The following XIRP1 variants were observed in gnomAD, a reference collection of about 807,000 sequenced individuals.
The protein encoded by XIRP1 is xin actin binding repeat containing 1, also known as xin actin-binding repeat-containing protein 1.
For synonymous variants in XIRP1, 984 were observed against 947.0 expected, an observed-to-expected ratio of 1.04 and a Z score of -0.72; for missense variants, 2,378 against 2,345.4, an observed-to-expected ratio of 1.01 and a Z score of -0.29.
rs145160075 is a variant in XIRP1 at position 39,185,763 on chromosome 3, G to T, written c.3683C>A (p.Thr1228Asn). The change falls in exon 2 of 2, where the codon ACT becomes AAT. Residue 1228 changes from threonine (T) to asparagine (N), a missense_variant. By Grantham distance (65) the Thr-to-Asn change is moderately conservative (BLOSUM62 0). Coordinates refer to ENST00000340369, the MANE Select transcript of XIRP1 (RefSeq NM_194293.4). ...CAGAATGTGGCGGCCTAGAGGGGCA[G>T]TCTTCAGGGTGGTCTCTGCAGCTTG... ...GLQAAETTLK[T>N]APLGRHILAS... 6.2e-7 allele frequency: 1 copy of T among 1,608,204 alleles called. No individual in the cohort carries two copies. Among genetic ancestry groups the T allele is most frequent in the South Asian group, 1.1e-5 (1 of 90,266 alleles).
In XIRP1 at chr3:39,187,438, C is replaced by T; in HGVS notation, c.2008G>A (p.Ala670Thr). Residue 670 changes from alanine to threonine, a missense_variant, in exon 2 of 2, where the codon GCC becomes ACC. By Grantham distance (58) the Ala-to-Thr change is moderately conservative. Transcript: ENST00000340369. ...CGTCTTCCACAGGGACGGCCTGAGG[C>T]CTGAAGAGGCTCGGTCTCAAAGACG... is the stretch of plus-strand genomic sequence containing the variant. Reference protein sequence around the residue: ...RHVFETEPLQASGRPCGRRPV... With the variant: ...RHVFETEPLQTSGRPCGRRPV... 2 of 1,614,182 alleles carry T rather than the reference C, an allele frequency of 1.2e-6. No individual in the cohort carries two copies. Among genetic ancestry groups the T allele is most frequent in the Non-Finnish European group, 1.7e-6 (2 of 1,180,040 alleles).
chr3:39,184,558 G>A lies in XIRP1; in HGVS notation c.4888C>T (p.His1630Tyr), dbSNP rs748383897. 27 of 1,613,786 alleles carry A rather than the reference G, an allele frequency of 1.7e-5. No homozygotes were observed. The Admixed American group carries it at 4.3e-4, about 26-fold the overall frequency. ...EAQSQVKIRN[H>Y]TEARGHTAST... Reference sequence around the variant, plus strand: ...GCTGTGTGACCTCTGGCCTCTGTGTGATTTCTGATCTTGACTTGACTCTGG... The same window carrying A: ...GCTGTGTGACCTCTGGCCTCTGTGTAATTTCTGATCTTGACTTGACTCTGG... Residue 1630 changes from histidine (H) to tyrosine (Y), a missense_variant, in exon 2 of 2, where the codon CAC (histidine) becomes TAC (tyrosine). Coordinates refer to ENST00000340369, the MANE Select transcript of XIRP1 (RefSeq NM_194293.4).
chr3:39,186,434 C>T lies in XIRP1; in HGVS notation c.3012G>A (p.Leu1004=), dbSNP rs1280863642. 6.2e-7 allele frequency: 1 copy of T among 1,614,186 alleles called. No homozygotes were observed. Among genetic ancestry groups the T allele is most frequent in the East Asian group, 2.2e-5 (1 of 44,880 alleles). The change falls in exon 2 of 2, where the codon CTG becomes CTA. Residue 1004 remains leucine, a synonymous_variant. Transcript: ENST00000340369. ...GGGCTGGTGCTGCAGCTTCCCCAGCCAGAGGGACTGCCTTTCCAATGGCCT... is the reference window on the plus strand; with the variant it reads ...GGGCTGGTGCTGCAGCTTCCCCAGCTAGAGGGACTGCCTTTCCAATGGCCT... ...PPQAIGKAVP[L]AGEAAAPAQL...
At position 39,183,929 on chromosome 3, in the gene XIRP1, C is replaced by T; in HGVS notation, c.5517G>A (p.Gln1839=). The part of the protein sequence containing the change: ...ETVQVSCSYS[Q]PAAQ ...GCGGTGGGCCTCACTGGGCAGCTGG[C>T]TGGGAGTAGCTGCAGGACACCTGCA... Residue 1839 remains glutamine, a synonymous_variant, in exon 2 of 2, where the codon CAG becomes CAA. Transcript: ENST00000340369. 1.9e-6 allele frequency: 3 copies of T among 1,610,474 alleles called. No individual in the cohort carries two copies. The highest frequency in any genetic ancestry group is 2.5e-6 in the Non-Finnish European group (3 of 1,179,614).
At position 39,189,409 on chromosome 3, in the gene XIRP1, T is replaced by G; in HGVS notation, c.37A>C (p.Thr13Pro). 1 of 1,607,580 alleles carries G rather than the reference T, an allele frequency of 6.2e-7. No individual in the cohort carries two copies. ...TCCTCTGCAGTTGCCATCCTCATGGTTGGTGTGGGGGCCACCTGTGTCTGG... is the reference window on the plus strand; with the variant it reads ...TCCTCTGCAGTTGCCATCCTCATGGGTGGTGTGGGGGCCACCTGTGTCTGG... Reference protein sequence around the residue: ...DTQTQVAPTPTMRMATAEDLP... With the variant: ...DTQTQVAPTPPMRMATAEDLP... Residue 13 changes from threonine to proline, a missense_variant, in exon 2 of 2, where the codon ACC (threonine) becomes CCC (proline). By Grantham distance (38) the Thr-to-Pro change is conservative (BLOSUM62 -1). Coordinates refer to ENST00000340369, the MANE Select transcript of XIRP1 (RefSeq NM_194293.4).
chr3:39,190,044 A>G (rs553136209), intron 1 of XIRP1, among the ~76,000 whole-genome samples: 11 of 152,216 alleles, frequency 7.2e-5, no homozygotes, highest in African/African-American at 2.6e-4. Flanking sequence ...CTGTCAACGC[A>G]CTCCAACCTT....
Position 39,185,091 on chromosome 3 carries a change from C to T in XIRP1, c.4355G>A (p.Gly1452Asp). ...GCTCTCAGGGGCCCCTTGGTGGGAA[C>T]CTTCCATGGGCTGCTCTCCTGAGGG... ...PGPSGEQPME[G>D]SHQGAPESPD... Residue 1452 changes from glycine to aspartate, a missense_variant, in exon 2 of 2, where the codon GGT becomes GAT. Transcript: ENST00000340369. The T allele has an allele frequency of 6.5e-7, 1 of 1,527,872 alleles. No individual in the cohort carries two copies. The highest frequency in any genetic ancestry group is 8.8e-7 in the Non-Finnish European group (1 of 1,141,354). 94.6% of individuals were successfully genotyped at this position (1,527,872 alleles called of 1,614,324 possible).
rs2040043155 is a variant in XIRP1, at chr3:39,188,978, G to T, written c.468C>A (p.Ala156=). The T allele has an allele frequency of 6.2e-7, 1 of 1,613,768 alleles. No individual in the cohort carries two copies. Reference sequence around the variant, plus strand: ...GTGGCTTTGTCTCAAATAGCCAGCGGGCTGCACGAACGTCTCCTCCACCTG... The same window carrying T: ...GTGGCTTTGTCTCAAATAGCCAGCGTGCTGCACGAACGTCTCCTCCACCTG... ...PQPGGGDVRA[A]RWLFETKPLD... is the part of the protein sequence containing the mutation. The change falls in exon 2 of 2, where the codon GCC becomes GCA. Residue 156 remains alanine (A), a synonymous_variant. Coordinates refer to ENST00000340369, the MANE Select transcript of XIRP1 (RefSeq NM_194293.4).
Position 39,183,821 on chromosome 3 carries a change from C to A in XIRP1, c.*93G>T. Reference sequence around the variant, plus strand: ...CTGAAGATGCCATTTCCTCTTGGTCCTTGCTCCAGTGTACAGGAGGCAGGT... The same window carrying A: ...CTGAAGATGCCATTTCCTCTTGGTCATTGCTCCAGTGTACAGGAGGCAGGT... On this transcript the variant is annotated 3_prime_UTR_variant, in exon 2 of 2. Coordinates refer to ENST00000340369, the MANE Select transcript of XIRP1 (RefSeq NM_194293.4). 6.8e-7 allele frequency: 1 copy of A among 1,463,648 alleles called. No individual in the cohort carries two copies. Among genetic ancestry groups the A allele is most frequent in the Non-Finnish European group, 9.0e-7 (1 of 1,109,110 alleles). 90.7% of individuals were successfully genotyped at this position (1,463,648 alleles called of 1,614,324 possible). A position where few individuals can be genotyped will look rare whatever the true frequency, so the allele number is the denominator to read the frequency against.
Position 39,189,260 on chromosome 3 carries a change from G to A in XIRP1, c.186C>T (p.His62=), listed in dbSNP as rs758037086. 6.2e-7 allele frequency: 1 copy of A among 1,614,088 alleles called. No homozygotes were observed. The highest frequency in any genetic ancestry group is 1.7e-5 in the Admixed American group (1 of 60,028). ...CAGCCAGATTCTTGCGGAGCTCAGG[G>A]TGGATGTGCCTGTAGAGGCGGCGGA... The part of the protein sequence containing the change: ...SELRRLYRHI[H]PELRKNLAEA... The change falls in exon 2 of 2, where the codon CAC becomes CAT. Residue 62 remains histidine, a synonymous_variant. Transcript: ENST00000340369.
At position 39,188,438 on chromosome 3, in the gene XIRP1, G is replaced by A; in HGVS notation, c.1008C>T (p.Ile336=). ...GCTGCTGAACATCTGGACCAGGTGG[G>A]ATAAGGTCTGGGGATGGCTGGAAGT... ...EKDFQPSPDL[I]PPGPDVQQQQ... The change falls in exon 2 of 2, where the codon ATC becomes ATT. Residue 336 remains isoleucine (I), a synonymous_variant. Coordinates refer to ENST00000340369, the MANE Select transcript of XIRP1 (RefSeq NM_194293.4). The A allele has an allele frequency of 6.2e-7, 1 of 1,605,852 alleles. No individual in the cohort carries two copies. The highest frequency in any genetic ancestry group is 8.5e-7 in the Non-Finnish European group (1 of 1,173,964).
chr3:39,184,109 C>G lies in XIRP1; in HGVS notation c.5337G>C (p.Gly1779=), dbSNP rs748828334. 20 of 1,605,000 alleles carry G rather than the reference C, an allele frequency of 1.2e-5. No individual in the cohort carries two copies. Among genetic ancestry groups the G allele is most frequent in the Non-Finnish European group, 1.5e-5 (18 of 1,173,570 alleles). The part of the protein sequence containing the change: ...TEQYEEVDQF[G]NTVLMSSTTV... ...TGGTGGAAGACATGAGGACTGTGTT[C>G]CCAAACTGGTCCACCTCCTCATACT... The change falls in exon 2 of 2, where the codon GGG becomes GGC. Residue 1779 remains glycine, a synonymous_variant. Transcript: ENST00000340369.
chr3:39,185,125 C>T lies in XIRP1; in HGVS notation c.4321G>A (p.Gly1441Ser), dbSNP rs1029175017. 6 of 1,567,990 alleles carry T rather than the reference C, an allele frequency of 3.8e-6. No individual in the cohort carries two copies. The highest frequency in any genetic ancestry group is 5.2e-6 in the Non-Finnish European group (6 of 1,158,520). Residue 1441 changes from glycine to serine, a missense_variant, in exon 2 of 2, where the codon GGC (glycine) becomes AGC (serine). Gly to Ser is a moderately conservative substitution (Grantham distance 56). Transcript: ENST00000340369. ...GGCTGCTCTCCTGAGGGGCCGGGGCCCCACTGTGGTGAGGTGGGATCATGG... is the reference window on the plus strand; with the variant it reads ...GGCTGCTCTCCTGAGGGGCCGGGGCTCCACTGTGGTGAGGTGGGATCATGG... Reference protein sequence around the residue: ...LNHDPTSPQWGPGPSGEQPME... With the variant: ...LNHDPTSPQWSPGPSGEQPME...
At position 39,187,075 on chromosome 3, in the gene XIRP1, G is replaced by A; in HGVS notation, c.2371C>T (p.Leu791Phe). The change falls in exon 2 of 2, where the codon CTC becomes TTC. Residue 791 changes from leucine (L) to phenylalanine (F), a missense_variant. Leu to Phe is a conservative substitution (Grantham distance 22, BLOSUM62 0). Coordinates refer to ENST00000340369, the MANE Select transcript of XIRP1 (RefSeq NM_194293.4). ...TCCCCTGGCCCTCGGGCCTCCATGA[G>A]GATGCCTCCATGGTGCAGGATGCCA... ...TPGILHHGGI[L>F]MEARGPGELC... 1.9e-6 allele frequency: 3 copies of A among 1,613,394 alleles called. No individual in the cohort carries two copies. The East Asian group carries it at 6.7e-5, about 36-fold the overall frequency.
In XIRP1 at chr3:39,185,543, C is replaced by T; in HGVS notation, c.3903G>A (p.Gln1301=). Residue 1301 remains glutamine, a synonymous_variant, in exon 2 of 2, where the codon CAG becomes CAA. Transcript: ENST00000340369. The part of the protein sequence containing the change: ...LLHSHSSPAG[Q]RTPGGSQTKT... ...TTGTCTGTGACCCTCCAGGGGTTCTCTGGCCAGCAGGGCTGCTGTGGGAGT... is the reference window on the plus strand; with the variant it reads ...TTGTCTGTGACCCTCCAGGGGTTCTTTGGCCAGCAGGGCTGCTGTGGGAGT... 6.4e-7 allele frequency: 1 copy of T among 1,562,780 alleles called. No homozygotes were observed. The highest frequency in any genetic ancestry group is 8.7e-7 in the Non-Finnish European group (1 of 1,155,072).
chr3:39,192,287 C>G (rs1033935598), intron 1 of XIRP1, among the ~76,000 whole-genome samples, 159 bp downstream of exon 1: 1 of 152,194 alleles, frequency 6.6e-6, no homozygotes, highest in Non-Finnish European at 1.5e-5. Flanking sequence ...TTTGTGGGTT[C>G]TTTATGTCTG....
chr3:39,183,952 GC>G lies in XIRP1; in HGVS notation c.5493del (p.Gln1832ArgfsTer101). On this transcript the variant is annotated frameshift_variant, in exon 2 of 2. Coordinates refer to ENST00000340369, the MANE Select transcript of XIRP1 (RefSeq NM_194293.4). LOFTEE classifies it high-confidence loss of function. ...FSSDLTEAET[V>X]QVSCSYSQPA... is the part of the protein sequence containing the mutation. ...GGCTGGGAGTAGCTGCAGGACACCT[GC>G]ACCGTCTCAGCTTCTGTCAGGTCAC... 6.2e-7 allele frequency: 1 copy of G among 1,611,694 alleles called. No homozygotes were observed. Among genetic ancestry groups the G allele is most frequent in the South Asian group, 1.1e-5 (1 of 91,002 alleles).
chr3:39,188,366 G>T lies in XIRP1; in HGVS notation c.1080C>A (p.Asp360Glu). The T allele has an allele frequency of 1.2e-6, 2 of 1,614,074 alleles. No individual in the cohort carries two copies. The highest frequency in any genetic ancestry group is 1.7e-6 in the Non-Finnish European group (2 of 1,179,990). Residue 360 changes from aspartate (D) to glutamate (E), a missense_variant, in exon 2 of 2, where the codon GAC (aspartate) becomes GAA (glutamate). Transcript: ENST00000340369. ...ETRALDTLKG[D>E]EEAGAEAPPK... ...GTGGGGCCTCTGCTCCAGCCTCTTC[G>T]TCCCCCTTCAGAGTGTCCAGCGCTC...
At position 39,184,118 on chromosome 3, in the gene XIRP1, G is replaced by T; in HGVS notation, c.5328C>A (p.Asp1776Glu). ...RTVTEQYEEV[D>E]QFGNTVLMSS... ...ACATGAGGACTGTGTTCCCAAACTG[G>T]TCCACCTCCTCATACTGTTCAGTCA... The change falls in exon 2 of 2, where the codon GAC becomes GAA. Residue 1776 changes from aspartate (D) to glutamate (E), a missense_variant. Physicochemically the swap from Asp to Glu is conservative, Grantham distance 45. Coordinates refer to ENST00000340369, the MANE Select transcript of XIRP1 (RefSeq NM_194293.4). 6.2e-7 allele frequency: 1 copy of T among 1,606,182 alleles called. No homozygotes were observed. The highest frequency in any genetic ancestry group is 1.1e-5 in the South Asian group (1 of 90,444).
Sources: allele counts gnomAD v4.1 joint callset (sites outside exome capture counted in the v4.1 genomes callset), GRCh38; gene constraint gnomAD v4.1.1; transcripts MANE v1.5; gene names NCBI Gene and HGNC (gene_info 2026-07-23, HGNC 2026-07-21).